CSMD1: variants seen among roughly 807,000 people sequenced by gnomAD.
The protein encoded by CSMD1 is CUB and Sushi multiple domains 1.
In CSMD1, 213 loss-of-function variants were observed where a neutral mutation model predicts 417.5. The observed-to-expected ratio is 0.51, with a 90% CI of 0.46 to 0.57. The LOEUF is 0.57. Ranked by LOEUF, CSMD1 falls within the 20% of genes least tolerant of loss-of-function variation. The pLI is 0.00. For missense variants in CSMD1, 6,923 were observed against 4,529.7 expected, an observed-to-expected ratio of 1.53 and a Z score of -15.17; for synonymous variants, 2,862 against 1,736.8, an observed-to-expected ratio of 1.65 and a Z score of -16.11.
At chr8:4,869,651 C>A (rs975307789) in intron 1 of CSMD1, among the ~76,000 whole-genome samples, 11 of 151,952 alleles carry the variant, frequency 7.2e-5, no homozygotes, top group Admixed American at 6.6e-5. Flanking sequence ...TCTGCTAATA[C>A]AGATTTTTAA....
intron 4 of CSMD1, among the ~76,000 whole-genome samples, chr8:4,016,225 G>T (rs1458443709): frequency 6.6e-6 from 1 of 152,098 alleles, no homozygotes; most frequent in Non-Finnish European, 1.5e-5. Flanking sequence ...TTAGTCATGT[G>T]ATCTCTCCAT....
chr8:3,480,854 G>C (rs891347347), intron 11 of CSMD1, among the ~76,000 whole-genome samples: 1 of 151,958 alleles, frequency 6.6e-6, no homozygotes, highest in Non-Finnish European at 1.5e-5. Flanking sequence ...ATTTGTTTTT[G>C]CAAATTAAGA....
intron 33 of CSMD1, among the ~76,000 whole-genome samples, chr8:3,196,174 A>G (rs1007362034): frequency 5.3e-5 from 8 of 152,176 alleles, no homozygotes; most frequent in African/African-American, 1.7e-4. Context: ...TTAGCATGCT[A>G]AAAGACACTC....
chr8:4,290,425 G>C (rs1431922451), intron 3 of CSMD1, among the ~76,000 whole-genome samples: 1 of 152,210 alleles, frequency 6.6e-6, no homozygotes, highest in African/African-American at 2.4e-5. Flanking sequence ...TCTAACATGA[G>C]ATTTGAACTT....
chr8:3,062,661 T>A (rs6995874), intron 49 of CSMD1, among the ~76,000 whole-genome samples: 2 of 151,326 alleles, frequency 1.3e-5, no homozygotes, highest in African/African-American at 2.4e-5. Flanking sequence ...TATCTAGCAC[T>A]TCATAACCCA....
chr8:3,468,806 A>G lies in CSMD1; in HGVS notation c.1467T>C (p.Val489=). ...SVLYVLTGSS[V]PDLIVSMSNQ... is the part of the protein sequence containing the mutation. ...TGCTCATGCTCACAATGAGGTCAGG[A>G]ACACTGGATCCCGTGAGCCTGCAAG... Residue 489 remains valine (V), a synonymous_variant, in exon 12 of 70, where the codon GTT becomes GTC. Transcript: ENST00000635120. The G allele has an allele frequency of 6.3e-7, 1 of 1,599,892 alleles. No individual in the cohort carries two copies.
chr8:4,169,005 C>T (rs935204949), intron 3 of CSMD1, among the ~76,000 whole-genome samples: 7 of 152,064 alleles, frequency 4.6e-5, no homozygotes, highest in African/African-American at 9.7e-5. Flanking sequence ...TCTTATCAGC[C>T]GCTTACTCTT....
chr8:3,713,594 G>C (rs754967743), intron 6 of CSMD1, among the ~76,000 whole-genome samples: 3 of 152,096 alleles, frequency 2.0e-5, no homozygotes, highest in Non-Finnish European at 4.4e-5. Context: ...CGTATCTTCT[G>C]CTCTTAATAC....
chr8:4,760,355 T>C (rs1264292518), intron 1 of CSMD1, among the ~76,000 whole-genome samples: 3 of 152,122 alleles, frequency 2.0e-5, no homozygotes, highest in Non-Finnish European at 4.4e-5. Context: ...AACATGAAGG[T>C]GAATCGAGGA....
At chr8:4,671,269 G>A (rs1233686541) in intron 1 of CSMD1, among the ~76,000 whole-genome samples, 2 of 151,958 alleles carry the variant, frequency 1.3e-5, no homozygotes. Context: ...TGACTATTAG[G>A]GCAGGTTACT....
intron 2 of CSMD1, among the ~76,000 whole-genome samples, chr8:4,450,642 A>C (rs1401413272): frequency 1.3e-5 from 2 of 152,086 alleles, no homozygotes; most frequent in East Asian, 1.9e-4. Context: ...AAGAAAAAAA[A>C]ATTTGGTACT....
At chr8:3,200,353 G>C (rs1796929094) in intron 32 of CSMD1, among the ~76,000 whole-genome samples, 1 of 151,930 alleles carries the variant, frequency 6.6e-6, no homozygotes, top group Admixed American at 6.6e-5. Flanking sequence ...CCAGGAGTTT[G>C]AGACCAGCCT....
intron 49 of CSMD1, among the ~76,000 whole-genome samples, chr8:3,053,448 C>G (rs548287660): frequency 6.6e-6 from 1 of 152,054 alleles, no homozygotes; most frequent in Non-Finnish European, 1.5e-5. Context: ...TGTTCCTCTC[C>G]CCTTCCCCAA....
rs752306940 is a variant in CSMD1, at chr8:3,626,478, G to A, written c.1010-9681C>T. ...AGAAATGGGAAAAAGTCTTAAAGTC[G>A]TTATATATTTTAGAAACATATATAG... On this transcript the variant is annotated intron_variant, in intron 7 of 69. Coordinates refer to ENST00000635120, the MANE Select transcript of CSMD1 (RefSeq NM_033225.6). 4.5e-4 allele frequency among the ~76,000 whole-genome samples: 69 copies of A among 151,934 alleles called. 1 individual carries two copies. Among genetic ancestry groups the A allele is most frequent in the Admixed American group, 7.9e-4 (12 of 15,240 alleles).
At chr8:4,843,302 T>G (rs560678690) in intron 1 of CSMD1, among the ~76,000 whole-genome samples, 2 of 152,276 alleles carry the variant, frequency 1.3e-5, no homozygotes, top group Non-Finnish European at 2.9e-5. Flanking sequence ...GTACCAGTAT[T>G]TCTACCACCA....
chr8:4,432,353 C>T (rs1797918864), intron 2 of CSMD1, among the ~76,000 whole-genome samples: 1 of 152,146 alleles, frequency 6.6e-6, no homozygotes. Flanking sequence ...GTAGAATCCC[C>T]TTCCCTGGCT....
chr8:3,453,980 A>T (rs1478541600), intron 12 of CSMD1, among the ~76,000 whole-genome samples: 1 of 152,102 alleles, frequency 6.6e-6, no homozygotes. Context: ...GACTTGCTTT[A>T]TGAATCTGGG....
chr8:3,481,377 A>G (rs1817741770), intron 11 of CSMD1, among the ~76,000 whole-genome samples: 1 of 152,194 alleles, frequency 6.6e-6, no homozygotes, highest in Admixed American at 6.5e-5. Flanking sequence ...AACAACAATT[A>G]GAACAGCGTC....
intron 12 of CSMD1, among the ~76,000 whole-genome samples, chr8:3,455,066 C>T (rs963783521): frequency 6.6e-6 from 1 of 152,154 alleles, no homozygotes; most frequent in African/African-American, 2.4e-5. Context: ...TTCATTTGAT[C>T]TTCCATCACT....
Sources: gnomAD v4.1 joint callset for allele counts (sites outside exome capture counted in the v4.1 genomes callset) on GRCh38, gnomAD v4.1.1 for gene constraint, MANE v1.5 for transcripts, NCBI Gene and HGNC (gene_info 2026-07-23, HGNC 2026-07-21) for gene names.